The following NTNG1 variants were observed in gnomAD, a reference collection of about 807,000 sequenced individuals.
NTNG1 encodes the protein netrin G1, also known as netrin-G1.
In NTNG1, 16 loss-of-function variants were observed where a neutral mutation model predicts 54.0. That is an observed-to-expected ratio of 0.30 (90% CI 0.20 to 0.45). The LOEUF is 0.45. Among genes scored for constraint, NTNG1 ranks in the 20% least tolerant of loss-of-function variants. The probability of loss-of-function intolerance (pLI) is 1.00; values close to 1 mark genes in which losing one functional copy is unlikely to be tolerated. For missense variants in NTNG1, 530 were observed against 678.7 expected (o/e 0.78, Z 2.43); for synonymous variants, 255 against 263.1 (o/e 0.97, Z 0.30).
intron 7 of NTNG1, among the ~76,000 whole-genome samples, chr1:107,447,974 G>A (rs563076500): frequency 2.0e-5 from 3 of 152,140 alleles, no homozygotes; most frequent in African/African-American, 7.2e-5. Flanking sequence ...TGAAGTCCCA[G>A]TATGTGCCAG....
chr1:107,148,698 T>A lies in NTNG1; in HGVS notation c.105T>A (p.Thr35=), dbSNP rs1481871368. 1 of 1,613,708 alleles carries A rather than the reference T, an allele frequency of 6.2e-7. No individual in the cohort carries two copies. Residue 35 remains threonine, a synonymous_variant, in exon 2 of 8, where the codon ACT becomes ACA. Coordinates refer to ENST00000370068, the MANE Select transcript of NTNG1 (RefSeq NM_001113226.3). ...LVWGHYDLCK[T]QIYTEEGKVW... is the part of the protein sequence containing the mutation. ...GGGGACATTATGATTTGTGTAAGAC[T>A]CAGATTTACACGGAAGAAGGGAAAG... is the stretch of plus-strand genomic sequence containing the variant.
intron 2 of NTNG1, among the ~76,000 whole-genome samples, chr1:107,316,611 T>G (rs1667353423): frequency 6.6e-6 from 1 of 152,152 alleles, no homozygotes; most frequent in Non-Finnish European, 1.5e-5. Context: ...AAAATATCTG[T>G]TTTTTATATA....
At chr1:107,412,730 C>T (rs1260446080) in intron 5 of NTNG1, among the ~76,000 whole-genome samples, 2 of 152,080 alleles carry the variant, frequency 1.3e-5, no homozygotes, top group Non-Finnish European at 2.9e-5. Flanking sequence ...AGGACTGTGA[C>T]CTCCCCCTTT....
rs569553859 is a variant in NTNG1, at chr1:107,168,295, T to C, written c.246+19456T>C. ...CCTGTCAAAAAATGACCTTAGCAAC[T>C]AGATTGTAATAAAAATAATTTCAGG... On this transcript the variant is annotated intron_variant, in intron 2 of 7. Transcript: ENST00000370068. Among the ~76,000 whole-genome samples the C allele has an allele frequency of 2.6e-5, 4 of 152,198 alleles. No individual in the cohort carries two copies. The East Asian group carries it at 7.7e-4, about 29-fold the overall frequency.
chr1:107,429,817 T>C (rs1392629836), intron 5 of NTNG1, among the ~76,000 whole-genome samples: 2 of 152,134 alleles, frequency 1.3e-5, no homozygotes, highest in African/African-American at 2.4e-5. Flanking sequence ...AAAGGTTGAA[T>C]TGGATTTACA....
chr1:107,321,007 A>T (rs191786699), intron 2 of NTNG1, among the ~76,000 whole-genome samples: 10 of 152,226 alleles, frequency 6.6e-5, no homozygotes, highest in Admixed American at 5.9e-4. Context: ...ACTTCCTCTG[A>T]TCATCTCCGG....
intron 2 of NTNG1, among the ~76,000 whole-genome samples, chr1:107,210,024 G>T (rs1343163086): frequency 3.3e-5 from 5 of 152,082 alleles, no homozygotes; most frequent in African/African-American, 1.2e-4. Flanking sequence ...CCAGAGTTGA[G>T]TGCTGAAGAA....
chr1:107,146,562 T>C (rs1372180634), intron 1 of NTNG1, among the ~76,000 whole-genome samples: 2 of 152,048 alleles, frequency 1.3e-5, no homozygotes, highest in Non-Finnish European at 2.9e-5. Flanking sequence ...CTTTACCCAG[T>C]ATAGTTTTTA....
At chr1:107,370,432 G>A (rs983478224) in intron 3 of NTNG1, among the ~76,000 whole-genome samples, 1 of 151,434 alleles carries the variant, frequency 6.6e-6, no homozygotes, top group African/African-American at 2.4e-5. Context: ...GTGGTGATTT[G>A]TGAGATTTTG....
intron 2 of NTNG1, among the ~76,000 whole-genome samples, chr1:107,227,819 A>T (rs1305219261): frequency 6.6e-6 from 1 of 152,110 alleles, no homozygotes; most frequent in African/African-American, 2.4e-5. Flanking sequence ...TTCTTGTTAA[A>T]TCTCATTCAA....
chr1:107,431,430 G>A (rs1002158578), intron 6 of NTNG1, among the ~76,000 whole-genome samples: 4 of 152,114 alleles, frequency 2.6e-5, no homozygotes, highest in Non-Finnish European at 5.9e-5. Context: ...AAGTTTGTCT[G>A]ACTTCTTCAT....
rs559241602 is a variant in NTNG1, at chr1:107,386,201, C to A, written c.888-8953C>A. 7.8e-5 allele frequency among the ~76,000 whole-genome samples: 11 copies of A among 141,352 alleles called. No homozygotes were observed. The South Asian group carries it at 2.2e-3, about 29-fold the overall frequency. The allele number at this position is 141,352 out of a possible 152,430, so 92.7% of individuals were successfully genotyped here. A position where few individuals can be genotyped will look rare whatever the true frequency, so the allele number is the denominator to read the frequency against. ...TTTCTTCCTTTGAAATGGGGTTTCA[C>A]TCTTGTTGCCCAGACTGGAGTTCAA... On this transcript the variant is annotated intron_variant, in intron 3 of 7. Transcript: ENST00000370068.
At chr1:107,357,477 C>T (rs1670004550) in intron 3 of NTNG1, among the ~76,000 whole-genome samples, 1 of 152,302 alleles carries the variant, frequency 6.6e-6, no homozygotes, top group East Asian at 1.9e-4. Flanking sequence ...GAGAGCTCAG[C>T]TTTTAATTTT....
chr1:107,428,526 C>G (rs1675043427), intron 5 of NTNG1, among the ~76,000 whole-genome samples: 1 of 152,042 alleles, frequency 6.6e-6, no homozygotes. Flanking sequence ...CAAGAACCAA[C>G]CCGGGTTAGG....
chr1:107,229,555 G>C (rs1039181153), intron 2 of NTNG1, among the ~76,000 whole-genome samples: 1 of 151,518 alleles, frequency 6.6e-6, no homozygotes, highest in African/African-American at 2.4e-5. Context: ...TTATGGAAAG[G>C]GTTCTGCTCT....
chr1:107,476,823 A>C (rs1465805229), intron 7 of NTNG1, among the ~76,000 whole-genome samples: 5 of 152,158 alleles, frequency 3.3e-5, no homozygotes. Flanking sequence ...CACCTTCACA[A>C]CCAGGTCACA....
intron 2 of NTNG1, among the ~76,000 whole-genome samples, chr1:107,282,847 A>G (rs916702326): frequency 3.3e-5 from 5 of 152,154 alleles, no homozygotes; most frequent in Non-Finnish European, 7.4e-5. Context: ...CTTACTTCTT[A>G]CAGCTGGGGA....
intron 6 of NTNG1, among the ~76,000 whole-genome samples, chr1:107,434,805 C>G (rs1481965546): frequency 6.6e-6 from 1 of 152,084 alleles, no homozygotes; most frequent in Non-Finnish European, 1.5e-5. Flanking sequence ...TATGATCCTC[C>G]AAGACTCTTT....
chr1:107,436,711 C>T lies in NTNG1; in HGVS notation c.1302C>T (p.Gly434=). 6.2e-7 allele frequency: 1 copy of T among 1,613,224 alleles called. No individual in the cohort carries two copies. Among genetic ancestry groups the T allele is most frequent in the Non-Finnish European group, 8.5e-7 (1 of 1,179,372 alleles). The part of the protein sequence containing the change: ...PLGSIHDRCN[G]SGFCECKTGT... Reference sequence around the variant, plus strand: ...GCTCAATCCATGATCGTTGTAATGGCTCAGGATTTTGTGAGTGTAAGACTG... The same window carrying T: ...GCTCAATCCATGATCGTTGTAATGGTTCAGGATTTTGTGAGTGTAAGACTG... The change falls in exon 7 of 8, where the codon GGC becomes GGT. Residue 434 remains glycine (G), a synonymous_variant. Transcript: ENST00000370068.
Sources: gnomAD v4.1 joint callset for allele counts (sites outside exome capture counted in the v4.1 genomes callset) on GRCh38, gnomAD v4.1.1 for gene constraint, MANE v1.5 for transcripts, NCBI Gene and HGNC (gene_info 2026-07-23, HGNC 2026-07-21) for gene names.